Variants in GPM6B observed in about 807,000 individuals in gnomAD.
GPM6B encodes neuronal membrane glycoprotein M6-b.
Under a neutral mutation model 27.2 loss-of-function variants are expected in GPM6B, and 4 were observed. The observed-to-expected ratio is 0.15, with a 90% CI of 0.07 to 0.34. The LOEUF (loss-of-function observed/expected upper bound fraction) is 0.34. Among genes scored for constraint, GPM6B ranks in the 10% least tolerant of loss-of-function variants. The probability of loss-of-function intolerance (pLI) is 1.00; values close to 1 mark genes in which losing one functional copy is unlikely to be tolerated. For synonymous variants in GPM6B, 124 were observed against 103.1 expected, an observed-to-expected ratio of 1.20 and a Z score of -1.23; for missense variants, 183 against 261.9, an observed-to-expected ratio of 0.70 and a Z score of 2.08.
intron 2 of GPM6B, among the ~76,000 whole-genome samples, chrX:13,799,385 GTATTATTAT>G (rs1211626204): frequency 5.8e-4 from 52 of 89,550 alleles, no homozygotes; most frequent in Non-Finnish European, 1.0e-3. Flanking sequence ...GCTGATTTTT[GTATTATTAT>G]TATTATTATT....
chrX:13,865,767 A>T (rs2049909807), intron 1 of GPM6B, among the ~76,000 whole-genome samples: 1 of 106,992 alleles, frequency 9.3e-6, no homozygotes, highest in African/African-American at 3.4e-5. Context: ...AAAAAGAAAA[A>T]GTAAAAATAA....
chrX:13,919,492 T>C (rs1295490741), intron 1 of GPM6B, among the ~76,000 whole-genome samples: 1 of 112,062 alleles, frequency 8.9e-6, no homozygotes, highest in Non-Finnish European at 1.9e-5. Flanking sequence ...CAACTGAAAA[T>C]TTATAGTAAG....
chrX:13,841,218 A>G (rs772614976), intron 1 of GPM6B, among the ~76,000 whole-genome samples: 3 of 111,927 alleles, frequency 2.7e-5, no homozygotes, highest in African/African-American at 9.8e-5. Flanking sequence ...ACTCAGTATG[A>G]TAAGTTGAGT....
intron 1 of GPM6B, among the ~76,000 whole-genome samples, chrX:13,898,009 A>G (rs1371984314): frequency 1.8e-5 from 2 of 112,357 alleles, no homozygotes; most frequent in Admixed American, 9.5e-5. Context: ...ATTAATGTCA[A>G]CTGCAGAGCT....
chrX:13,896,396 G>A (rs1442906922), intron 1 of GPM6B, among the ~76,000 whole-genome samples: 2 of 108,431 alleles, frequency 1.8e-5, no homozygotes, highest in African/African-American at 6.7e-5. Context: ...GCACAGAGAC[G>A]AAAAACAGAG....
upstream of GPM6B, among the ~76,000 whole-genome samples, chrX:13,819,576 G>C (rs2049285190): frequency 8.9e-6 from 1 of 112,158 alleles, no homozygotes; most frequent in South Asian, 3.7e-4. Flanking sequence ...TGACCAAGAA[G>C]AACAGCAGTT....
At chrX:13,807,908 C>A in intron 1 of GPM6B, 139 bp from the exon 2 acceptor site, 1 of 467,631 alleles carries the variant, frequency 2.1e-6, no homozygotes, top group East Asian at 3.7e-5. Flanking sequence ...CCTTCAGTAC[C>A]AGCATGATCC....
chrX:13,845,596 T>C (rs2147234970), intron 1 of GPM6B, among the ~76,000 whole-genome samples: 1 of 112,405 alleles, frequency 8.9e-6, no homozygotes, highest in East Asian at 2.8e-4. Context: ...CAACTAGTTA[T>C]ATATTTATAA....
intron 2 of GPM6B, among the ~76,000 whole-genome samples, chrX:13,788,346 TG>T (rs1240501713): frequency 1.8e-5 from 2 of 109,604 alleles, no homozygotes; most frequent in African/African-American, 6.7e-5. Context: ...TCCAGCATGA[TG>T]GGGGCAAAGA....
rs2048327671 is a variant in GPM6B at position 13,772,947 on chromosome X, T to C, written c.921A>G (p.Ala307=). The C allele has an allele frequency of 8.3e-7, 1 of 1,208,977 alleles. No individual in the cohort carries two copies. The highest frequency in any genetic ancestry group is 2.2e-5 in the Admixed American group (1 of 46,018). The part of the protein sequence containing the change: ...SKMQAYQDIK[A]KEEQELQDIQ... The stretch of plus-strand genomic sequence containing the variant: ...TATCTTGCAGTTCCTGTTCTTCCTT[T>C]GCTTTGATATCCTGGTAAGCCTGCA... The change falls in exon 8 of 8, where the codon GCA becomes GCG. Residue 307 remains alanine (A), a synonymous_variant. Coordinates refer to ENST00000316715, the MANE Select transcript of GPM6B (RefSeq NM_001001995.3).
chrX:13,850,222 A>T (rs1455797638), intron 1 of GPM6B, among the ~76,000 whole-genome samples: 2 of 111,918 alleles, frequency 1.8e-5, no homozygotes, highest in Non-Finnish European at 3.8e-5. Flanking sequence ...TCTGAGTGGA[A>T]GGGAGTGAGT....
intron 1 of GPM6B, among the ~76,000 whole-genome samples, chrX:13,843,773 G>A (rs1358375314): frequency 3.6e-5 from 4 of 111,451 alleles, no homozygotes; most frequent in Non-Finnish European, 5.7e-5. Flanking sequence ...TTTATTTTGG[G>A]TTGTCTTATT....
chrX:13,814,530 A>G (rs1354537516), intron 1 of GPM6B, among the ~76,000 whole-genome samples: 2 of 112,676 alleles, frequency 1.8e-5, no homozygotes, highest in Non-Finnish European at 3.8e-5. Context: ...AAGTTTTCAA[A>G]TGTTAATTTC....
intron 1 of GPM6B, among the ~76,000 whole-genome samples, chrX:13,898,557 AT>A (rs2050253208): frequency 8.9e-6 from 1 of 112,475 alleles, no homozygotes; most frequent in Non-Finnish European, 1.9e-5. Flanking sequence ...GCCAATGCAC[AT>A]TAAAGTGTGA....
rs755832950 is a variant in GPM6B at position 13,833,550 on chromosome X, TAA to T, written c.-197-47744_-197-47743del. On this transcript the variant is annotated intron_variant, in intron 1 of 6. Coordinates refer to the GPM6B transcript ENST00000398361. The stretch of plus-strand genomic sequence containing the variant: ...GGCAACAGAGCAAGACTCTATCTCT[TAA>T]AAAAAAAAAAAAAAAAACTAGAAAA... 8.6e-3 allele frequency among the ~76,000 whole-genome samples: 617 copies of T among 71,520 alleles called. 9 individuals are homozygous for T. The highest frequency in any genetic ancestry group is 0.034 in the African/African-American group (572 of 16,780). 62.1% of individuals were successfully genotyped at this position (71,520 alleles called of 115,157 possible). A position where few individuals can be genotyped will look rare whatever the true frequency, so the allele number is the denominator to read the frequency against.
intron 5 of GPM6B, 21 bp downstream of exon 5, chrX:13,779,797 G>T: frequency 8.8e-7 from 1 of 1,132,725 alleles, no homozygotes; most frequent in South Asian, 2.2e-5. Context: ...ACTGGGGGAG[G>T]GGTGAATTAG....
chrX:13,855,775 A>G (rs114530419), intron 1 of GPM6B, among the ~76,000 whole-genome samples: 165 of 111,877 alleles, frequency 1.5e-3, no homozygotes, highest in African/African-American at 5.2e-3. Flanking sequence ...GACAGCCCCA[A>G]TTTTAAATCA....
intron 2 of GPM6B, among the ~76,000 whole-genome samples, 171 bp downstream of exon 2, chrX:13,807,479 A>G (rs1387618759): frequency 8.9e-6 from 1 of 112,463 alleles, no homozygotes; most frequent in Non-Finnish European, 1.9e-5. Context: ...GGAGAGAGAA[A>G]AAGAAAGATG....
At chrX:13,826,740 GTTTTT>G (rs1158980391) in intron 1 of GPM6B, among the ~76,000 whole-genome samples, 5 of 109,212 alleles carry the variant, frequency 4.6e-5, no homozygotes, top group Middle Eastern at 4.7e-3. Flanking sequence ...CCTGTTTTTT[GTTTTT>G]TTGTTTTTTT....
Sources: allele counts gnomAD v4.1 joint callset (sites outside exome capture counted in the v4.1 genomes callset), GRCh38; gene constraint gnomAD v4.1.1; transcripts MANE v1.5; gene names NCBI Gene and HGNC (gene_info 2026-07-23, HGNC 2026-07-21).